SRFBP1: variants seen among roughly 807,000 people sequenced by gnomAD.
SRFBP1 encodes serum response factor-binding protein 1.
Under a neutral mutation model 45.5 loss-of-function variants are expected in SRFBP1, and 47 were observed. The observed-to-expected ratio is 1.03, with a 90% confidence interval of 0.82 to 1.32. The LOEUF is 1.32. Among genes scored for constraint, SRFBP1 ranks in the 40% most tolerant of loss-of-function variants. The pLI, the probability that SRFBP1 is intolerant of heterozygous loss-of-function variation, is 0.00. For missense variants in SRFBP1, 621 were observed against 484.6 expected, an observed-to-expected ratio of 1.28 and a Z score of -2.64; for synonymous variants, 203 against 166.3, an observed-to-expected ratio of 1.22 and a Z score of -1.70.
At chr5:122,023,066 G>C (rs1003031541) in intron 7 of SRFBP1, among the ~76,000 whole-genome samples, 1 of 152,220 alleles carries the variant, frequency 6.6e-6, no homozygotes, top group Non-Finnish European at 1.5e-5. Flanking sequence ...GCAGGTGTTT[G>C]TGAGCAAGGC....
chr5:122,047,234 G>A (rs1314243681), intron 2 of SRFBP1, among the ~76,000 whole-genome samples: 6 of 152,242 alleles, frequency 3.9e-5, no homozygotes, highest in African/African-American at 1.2e-4. Flanking sequence ...TAAGGTGTAA[G>A]GAAGGGATCC....
intron 3 of SRFBP1, among the ~76,000 whole-genome samples, chr5:121,986,136 A>G (rs1752512864): frequency 6.6e-6 from 1 of 152,002 alleles, no homozygotes; most frequent in Non-Finnish European, 1.5e-5. Flanking sequence ...GAACTAGCAA[A>G]GGAGACAAAG....
intron 3 of SRFBP1, among the ~76,000 whole-genome samples, 165 bp downstream of exon 3, chr5:121,975,552 C>T (rs910515099): frequency 1.3e-5 from 2 of 151,938 alleles, no homozygotes; most frequent in African/African-American, 4.8e-5. Flanking sequence ...AAAATTGTAA[C>T]ATTTAAGCTT....
At chr5:122,075,840 A>G (rs1187045001), downstream of SRFBP1, among the ~76,000 whole-genome samples, 1 of 152,222 alleles carries the variant, frequency 6.6e-6, no homozygotes, top group Non-Finnish European at 1.5e-5. Context: ...TCTAAATGTC[A>G]GAAGTAAACT....
intron 2 of SRFBP1, among the ~76,000 whole-genome samples, chr5:122,058,451 T>A (rs955100734): frequency 7.2e-5 from 11 of 152,044 alleles, no homozygotes; most frequent in Admixed American, 5.2e-4. Flanking sequence ...ATGGCTTAGC[T>A]TCTTGAAGCC....
chr5:122,036,951 A>G (rs1281550573), intron 2 of SRFBP1, among the ~76,000 whole-genome samples: 2 of 150,270 alleles, frequency 1.3e-5, no homozygotes, highest in African/African-American at 2.5e-5. Context: ...CTGGAGTGCA[A>G]TGGCGTGATC....
intron 3 of SRFBP1, among the ~76,000 whole-genome samples, chr5:121,976,273 A>G (rs1030212551): frequency 5.9e-5 from 9 of 151,956 alleles, no homozygotes; most frequent in Non-Finnish European, 1.0e-4. Flanking sequence ...GATATGAAGT[A>G]TATTTGTTTC....
At chr5:121,984,985 C>A (rs979860207) in intron 3 of SRFBP1, among the ~76,000 whole-genome samples, 46 of 151,850 alleles carry the variant, frequency 3.0e-4, no homozygotes, top group African/African-American at 1.1e-3. Flanking sequence ...TTTATAATGT[C>A]ATCTCAGAGC....
chr5:122,014,972 G>C (rs965669232), intron 4 of SRFBP1, among the ~76,000 whole-genome samples: 2 of 152,164 alleles, frequency 1.3e-5, no homozygotes, highest in South Asian at 4.1e-4. Context: ...AATCTGGTTA[G>C]GATTCCCAGA....
At chr5:122,060,411 C>T (rs192939880) in intron 2 of SRFBP1, among the ~76,000 whole-genome samples, 1 of 152,040 alleles carries the variant, frequency 6.6e-6, no homozygotes, top group Non-Finnish European at 1.5e-5. Context: ...CCTCCACTTT[C>T]CCATCACACC....
At chr5:122,065,320 C>T (rs1334745271) in intron 2 of SRFBP1, 1 of 152,090 alleles carries the variant, frequency 6.6e-6, no homozygotes, top group East Asian at 1.9e-4. Flanking sequence ...TTCCACCTAA[C>T]ATGTTCTGGC....
rs887785385 is a variant in SRFBP1, at chr5:122,053,182, G to C, written n.312-22133G>C. On this transcript the variant is annotated intron_variant and non_coding_transcript_variant, in intron 2 of 2. Transcript: ENST00000504881. Reference sequence around the variant, plus strand: ...CTGGGAAAACACAGGGTTGCGCCTGGTCACAGAGTTCAGGTGGAAGCAGGA... The same window carrying C: ...CTGGGAAAACACAGGGTTGCGCCTGCTCACAGAGTTCAGGTGGAAGCAGGA... 2.6e-5 allele frequency among the ~76,000 whole-genome samples: 4 copies of C among 152,104 alleles called. No homozygotes were observed. In the East Asian group the frequency reaches 5.8e-4, roughly 22 times the overall value.
chr5:121,963,399 G>C (rs912050300), intron 1 of SRFBP1, among the ~76,000 whole-genome samples: 9 of 152,096 alleles, frequency 5.9e-5, no homozygotes, highest in Middle Eastern at 3.2e-3. Context: ...TTTTGCATTA[G>C]GTTACCTGTG....
chr5:122,047,832 G>A, intron 2 of SRFBP1, among the ~76,000 whole-genome samples: 1 of 152,168 alleles, frequency 6.6e-6, no homozygotes, highest in African/African-American at 2.4e-5. Flanking sequence ...GTTCACTCAT[G>A]ATTTGGCTCT....
At chr5:121,975,261 T>A (rs1752278557) in intron 2 of SRFBP1, 54 bp from the exon 3 acceptor site, 1 of 1,558,004 alleles carries the variant, frequency 6.4e-7, no homozygotes. Context: ...CATTACACTA[T>A]AAGTCTAAAA....
rs78815427 is a variant in SRFBP1, at chr5:121,974,367, G to A, written c.125+83G>A. On this transcript the variant is annotated intron_variant, in intron 2 of 7. Transcript: ENST00000339397. ...TTGATACTTTAAAATGTTTAGGGTG[G>A]GATATAGAGAAGTAATTAAATGTCT... 37,821 of 968,704 alleles carry A rather than the reference G, an allele frequency of 0.039. 875 individuals carry two copies. The highest frequency in any genetic ancestry group is 0.059 in the African/African-American group (3,614 of 60,984). The allele number at this position is 968,704 out of a possible 1,614,324, so 60.0% of individuals were successfully genotyped here.
At chr5:121,971,339 A>G (rs1180800446) in intron 1 of SRFBP1, among the ~76,000 whole-genome samples, 1 of 152,022 alleles carries the variant, frequency 6.6e-6, no homozygotes, top group Non-Finnish European at 1.5e-5. Flanking sequence ...TTTAAGATTA[A>G]TAGGACTTGG....
At chr5:121,986,401 G>A (rs117259372) in intron 3 of SRFBP1, among the ~76,000 whole-genome samples, 2 of 152,098 alleles carry the variant, frequency 1.3e-5, no homozygotes, top group East Asian at 3.9e-4. Context: ...AAGAGCATTT[G>A]GAGATGGCAA....
chr5:122,003,629 C>A (rs1252453739), intron 4 of SRFBP1, among the ~76,000 whole-genome samples: 1 of 152,092 alleles, frequency 6.6e-6, no homozygotes, highest in Non-Finnish European at 1.5e-5. Flanking sequence ...GTTTTAGAAC[C>A]TCCATACTAT....
Sources: allele counts gnomAD v4.1 joint callset (sites outside exome capture counted in the v4.1 genomes callset), GRCh38; gene constraint gnomAD v4.1.1; transcripts MANE v1.5; gene names NCBI Gene and HGNC (gene_info 2026-07-23, HGNC 2026-07-21).